The following RTL4 variants were observed in gnomAD, a reference collection of about 807,000 sequenced individuals.
RTL4 encodes retrotransposon Gag like 4.
In RTL4, 4 loss-of-function variants were observed where a neutral mutation model predicts 5.3. That is an observed-to-expected ratio of 0.75 (90% CI 0.37 to 1.72). The LOEUF (loss-of-function observed/expected upper bound fraction) is 1.72. Among genes scored for constraint, RTL4 ranks in the 40% most tolerant of loss-of-function variants. The pLI is 0.04. For missense variants in RTL4, 260 were observed against 227.1 expected, an observed-to-expected ratio of 1.14 and a Z score of -0.93; for synonymous variants, 98 against 87.3, an observed-to-expected ratio of 1.12 and a Z score of -0.68.
chrX:112,430,157 CT>C, the RTL4 span, among the ~76,000 whole-genome samples: 1 of 110,889 alleles, frequency 9.0e-6, no homozygotes, highest in African/African-American at 3.3e-5. Context: ...TTTTCCTCTC[CT>C]TCTGGTATTC....
the RTL4 span, among the ~76,000 whole-genome samples, chrX:112,363,241 C>G: frequency 1.8e-5 from 2 of 111,102 alleles, no homozygotes; most frequent in African/African-American, 6.5e-5. Context: ...GGAAGTGAAC[C>G]AGCAAGTTTC....
the RTL4 span, among the ~76,000 whole-genome samples, chrX:112,313,284 T>TA: frequency 2.7e-5 from 3 of 111,361 alleles, no homozygotes; most frequent in African/African-American, 9.8e-5. Context: ...TGTATTTTAG[T>TA]AAAAACAAAA....
the RTL4 span, among the ~76,000 whole-genome samples, chrX:112,287,623 T>C: frequency 9.0e-6 from 1 of 111,545 alleles, no homozygotes; most frequent in Non-Finnish European, 1.9e-5. Flanking sequence ...GAGCATTCAT[T>C]TGAGAGCTAT....
At chrX:112,447,354 T>G in the RTL4 span, among the ~76,000 whole-genome samples, 1 of 112,121 alleles carries the variant, frequency 8.9e-6, no homozygotes, top group African/African-American at 3.2e-5. Context: ...CTCAACTATG[T>G]GTAAATACAT....
At chrX:112,289,394 T>A in the RTL4 span, among the ~76,000 whole-genome samples, 2 of 112,307 alleles carry the variant, frequency 1.8e-5, no homozygotes, top group South Asian at 7.4e-4. Context: ...GACAATAGAT[T>A]TTGTCCTTGG....
chrX:112,270,729 G>A, the RTL4 span, among the ~76,000 whole-genome samples: 1 of 111,150 alleles, frequency 9.0e-6, no homozygotes, highest in East Asian at 2.8e-4. Context: ...ATGATGCTTG[G>A]TGGCTGGGAG....
At chrX:112,361,469 T>C in the RTL4 span, among the ~76,000 whole-genome samples, 1 of 111,320 alleles carries the variant, frequency 9.0e-6, no homozygotes, top group Non-Finnish European at 1.9e-5. Context: ...ATGCTTTTCA[T>C]CCTTTTTATT....
the RTL4 span, among the ~76,000 whole-genome samples, chrX:112,137,971 A>G: frequency 1.8e-5 from 2 of 112,238 alleles, no homozygotes; most frequent in African/African-American, 6.5e-5. Context: ...CATTGTTCAC[A>G]ATAGCCAAGA....
chrX:112,230,543 C>G, the RTL4 span, among the ~76,000 whole-genome samples: 1 of 112,214 alleles, frequency 8.9e-6, no homozygotes, highest in East Asian at 2.8e-4. Context: ...GTCTGGCACT[C>G]CCCAGTGAGA....
the RTL4 span, among the ~76,000 whole-genome samples, chrX:112,405,797 A>C: frequency 9.0e-6 from 1 of 111,144 alleles, no homozygotes; most frequent in Non-Finnish European, 1.9e-5. Context: ...CCTTGGTTTT[A>C]ACTTCATATC....
At chrX:112,211,701 A>G in the RTL4 span, among the ~76,000 whole-genome samples, 1 of 111,727 alleles carries the variant, frequency 9.0e-6, no homozygotes, top group Non-Finnish European at 1.9e-5. Flanking sequence ...GTTAGATCTT[A>G]CCTAGATGTT....
the RTL4 span, among the ~76,000 whole-genome samples, chrX:112,346,775 G>A: frequency 9.0e-6 from 1 of 111,244 alleles, no homozygotes; most frequent in African/African-American, 3.3e-5. Flanking sequence ...ACCCATGTAA[G>A]GTTTACATAT....
At chrX:112,365,665 A>G in the RTL4 span, among the ~76,000 whole-genome samples, 3 of 111,712 alleles carry the variant, frequency 2.7e-5, no homozygotes, top group Non-Finnish European at 1.9e-5. Context: ...ACATAGGAAA[A>G]TGGCCTTCTG....
At chrX:112,165,593 C>T in the RTL4 span, among the ~76,000 whole-genome samples, 1 of 111,934 alleles carries the variant, frequency 8.9e-6, no homozygotes, top group Non-Finnish European at 1.9e-5. Flanking sequence ...CTCTCTCTCT[C>T]TCTCTTTCCC....
the RTL4 span, among the ~76,000 whole-genome samples, chrX:112,119,721 T>C: frequency 9.0e-6 from 1 of 111,693 alleles, no homozygotes; most frequent in African/African-American, 3.3e-5. Flanking sequence ...GTAAAAGACC[T>C]AGAGAGGGTT....
chrX:112,366,759 T>G, the RTL4 span, among the ~76,000 whole-genome samples: 1 of 112,085 alleles, frequency 8.9e-6, no homozygotes, highest in African/African-American at 3.2e-5. Flanking sequence ...AATAAATACC[T>G]GTAACTGTTT....
chrX:112,399,074 G>C, the RTL4 span, among the ~76,000 whole-genome samples: 1 of 111,560 alleles, frequency 9.0e-6, no homozygotes, highest in African/African-American at 3.3e-5. Context: ...ATTTCATTTA[G>C]GTTGTTGGAT....
chrX:112,275,601 C>T, the RTL4 span, among the ~76,000 whole-genome samples: 6 of 111,106 alleles, frequency 5.4e-5, no homozygotes, highest in Admixed American at 9.6e-5. Flanking sequence ...TCAGTCTCAC[C>T]GGATTGTTGG....
chrX:112,138,673 A>T, the RTL4 span, among the ~76,000 whole-genome samples: 119 of 111,432 alleles, frequency 1.1e-3, no homozygotes, highest in Non-Finnish European at 7.9e-4. Context: ...GGTCATTTGT[A>T]TTTGCAAATA....
Sources: gnomAD v4.1 joint callset for allele counts (sites outside exome capture counted in the v4.1 genomes callset) on GRCh38, gnomAD v4.1.1 for gene constraint, MANE v1.5 for transcripts, NCBI Gene and HGNC (gene_info 2026-07-23, HGNC 2026-07-21) for gene names.